Variants in KIF21A observed in about 807,000 individuals in gnomAD.
The protein encoded by KIF21A is kinesin family member 21A, also known as kinesin-like protein KIF21A.
In KIF21A, 114 loss-of-function variants were observed where a neutral mutation model predicts 202.9. The ratio of observed to expected loss-of-function variants is 0.56; its 90% CI spans 0.48 to 0.66. The LOEUF is 0.66. Ranked by LOEUF, KIF21A falls within the 30% of genes least tolerant of loss-of-function variation. The pLI is 0.00. For missense variants in KIF21A, 1,677 were observed against 1,994.9 expected (o/e 0.84, Z 3.04); for synonymous variants, 667 against 670.8 (o/e 0.99, Z 0.09).
In KIF21A at chr12:39,397,439, C is replaced by T. The variant is rs534288614; in HGVS notation, c.45-27178G>A. Among the ~76,000 whole-genome samples the T allele has an allele frequency of 1.8e-4, 28 of 151,932 alleles. No homozygotes were observed. The South Asian group carries it at 5.6e-3, about 31-fold the overall frequency. ...ATTCTTAGCCCCCATCCAAACCACCCCCCATAGAGCTGATTCACCTTAACC... is the reference window on the plus strand; with the variant it reads ...ATTCTTAGCCCCCATCCAAACCACCTCCCATAGAGCTGATTCACCTTAACC... On this transcript the variant is annotated intron_variant, in intron 1 of 37. Transcript: ENST00000361418.
At chr12:39,430,082 G>C (rs1463660415) in intron 1 of KIF21A, among the ~76,000 whole-genome samples, 2 of 151,776 alleles carry the variant, frequency 1.3e-5, no homozygotes, top group African/African-American at 4.8e-5. Flanking sequence ...GGGCACGGTG[G>C]CTCATGCTTA....
At chr12:39,381,555 C>T (rs1950617844) in intron 1 of KIF21A, among the ~76,000 whole-genome samples, 1 of 152,076 alleles carries the variant, frequency 6.6e-6, no homozygotes, top group Non-Finnish European at 1.5e-5. Flanking sequence ...CCAATTTTTA[C>T]CATCAAGGAA....
chr12:39,351,871 T>C lies in KIF21A; in HGVS notation c.1579A>G (p.Ile527Val), dbSNP rs1948411879. The change falls in exon 11 of 38, where the codon ATA (isoleucine) becomes GTA (valine). Residue 527 changes from isoleucine (I) to valine (V), a missense_variant. Ile to Val is a conservative substitution (Grantham distance 29). Around this residue, in one of 3 missense-constraint regions of KIF21A, gnomAD observed 966 missense variants for 1,180.9 expected, o/e 0.82. Transcript: ENST00000361418. ...FSGSSTFSPTILSSDKETIEI... is the reference protein window; with the variant it reads ...FSGSSTFSPTVLSSDKETIEI... ...ATGGTTTCTTTGTCTGAGGATAGTA[T>C]GGTAGGAGAAAAAGTTGATGATCCG... 1.2e-6 allele frequency: 2 copies of C among 1,611,834 alleles called. No individual in the cohort carries two copies. Among genetic ancestry groups the C allele is most frequent in the Non-Finnish European group, 8.5e-7 (1 of 1,178,078 alleles).
chr12:39,311,645 A>T (rs1473128773), intron 31 of KIF21A, 92 bp from the exon 32 acceptor site: 1 of 1,298,268 alleles, frequency 7.7e-7, no homozygotes, highest in Non-Finnish European at 1.1e-6. Flanking sequence ...CCCTAACTTT[A>T]AGAAGTCTTT....
intron 17 of KIF21A, among the ~76,000 whole-genome samples, chr12:39,335,018 A>G (rs1003431964): frequency 2.0e-5 from 3 of 152,234 alleles, no homozygotes; most frequent in African/African-American, 4.8e-5. Flanking sequence ...ACGTCTATCA[A>G]CTGATGAATG....
At chr12:39,320,469 C>T (rs1055036614) in intron 27 of KIF21A, among the ~76,000 whole-genome samples, 1 of 151,976 alleles carries the variant, frequency 6.6e-6, no homozygotes, top group Non-Finnish European at 1.5e-5. Context: ...TAATCACACA[C>T]ACAAAAATAC....
chr12:39,396,662 A>G (rs1405016181), intron 1 of KIF21A, among the ~76,000 whole-genome samples: 1 of 152,230 alleles, frequency 6.6e-6, no homozygotes, highest in Non-Finnish European at 1.5e-5. Context: ...CATTTTATAG[A>G]GAAGAAAAGT....
At chr12:39,435,556 ACCAC>A (rs2140417284) in intron 1 of KIF21A, among the ~76,000 whole-genome samples, 1 of 152,240 alleles carries the variant, frequency 6.6e-6, no homozygotes, top group Admixed American at 6.5e-5. Flanking sequence ...CTGGTTAAGA[ACCAC>A]CTAATTAGTG....
chr12:39,318,729 C>G (rs1944854542), intron 28 of KIF21A, among the ~76,000 whole-genome samples: 1 of 152,158 alleles, frequency 6.6e-6, no homozygotes, highest in African/African-American at 2.4e-5. Context: ...CGCCTGTAAT[C>G]CCAGCACTTT....
chr12:39,348,982 A>G (rs1948139157), intron 11 of KIF21A, among the ~76,000 whole-genome samples: 1 of 151,952 alleles, frequency 6.6e-6, no homozygotes. Context: ...TTTGTTCCTG[A>G]GTTTGAATTT....
chr12:39,436,643 A>G (rs1938828603), intron 1 of KIF21A, among the ~76,000 whole-genome samples: 1 of 149,944 alleles, frequency 6.7e-6, no homozygotes, highest in African/African-American at 2.4e-5. Context: ...TTGCAAAAAA[A>G]AAAAAAAAAG....
chr12:39,391,869 G>A (rs1487591590), intron 1 of KIF21A, among the ~76,000 whole-genome samples: 2 of 151,948 alleles, frequency 1.3e-5, no homozygotes, highest in Admixed American at 1.3e-4. Context: ...CTCCTGAGTA[G>A]CTGGGATTAC....
intron 24 of KIF21A, among the ~76,000 whole-genome samples, chr12:39,327,898 A>G (rs1946110992): frequency 6.6e-6 from 1 of 152,224 alleles, no homozygotes. Flanking sequence ...CAAATACCCT[A>G]AAGTTAATCT....
intron 28 of KIF21A, among the ~76,000 whole-genome samples, chr12:39,318,694 A>C (rs1433094831): frequency 6.6e-6 from 1 of 152,166 alleles, no homozygotes; most frequent in Non-Finnish European, 1.5e-5. Context: ...TAAGAAGGAT[A>C]ATTTCGGCCA....
chr12:39,339,258 CA>C (rs1305824350), intron 16 of KIF21A, among the ~76,000 whole-genome samples: 8 of 150,388 alleles, frequency 5.3e-5, no homozygotes, highest in East Asian at 2.0e-4. Context: ...AAAAGTGTAC[CA>C]TTTTTTTATC....
chr12:39,376,221 A>T (rs557711807), intron 1 of KIF21A, among the ~76,000 whole-genome samples: 1 of 152,240 alleles, frequency 6.6e-6, no homozygotes, highest in Admixed American at 6.5e-5. Context: ...AGATATACAC[A>T]CATACATTGT....
At chr12:39,436,656 C>G (rs1260243083) in intron 1 of KIF21A, among the ~76,000 whole-genome samples, 1 of 137,256 alleles carries the variant, frequency 7.3e-6, no homozygotes, top group East Asian at 2.1e-4. Context: ...AAAAAAAGAA[C>G]AAGGTAACCT....
At position 39,333,292 on chromosome 12, in the gene KIF21A, T is replaced by C. The variant is rs1483409496; in HGVS notation, c.2419-12A>G. 1.3e-6 allele frequency: 2 copies of C among 1,539,702 alleles called. No individual in the cohort carries two copies. Among genetic ancestry groups the C allele is most frequent in the Non-Finnish European group, 1.8e-6 (2 of 1,112,504 alleles). Reference sequence around the variant, plus strand: ...AGTCTAAGTTGATGCTATAAAATAATATTAAATAAGTGGAAATAGTAAAGT... The same window carrying C: ...AGTCTAAGTTGATGCTATAAAATAACATTAAATAAGTGGAAATAGTAAAGT... On this transcript the variant is annotated splice_polypyrimidine_tract_variant and intron_variant, in intron 17 of 37. Transcript: ENST00000361418.
At chr12:39,331,278 T>A (rs944885109) in intron 22 of KIF21A, among the ~76,000 whole-genome samples, 12 of 152,088 alleles carry the variant, frequency 7.9e-5, no homozygotes, top group African/African-American at 2.7e-4. Flanking sequence ...TTCTTACAGG[T>A]GACAAATTAG....
Sources: allele counts gnomAD v4.1 joint callset (sites outside exome capture counted in the v4.1 genomes callset), GRCh38; gene constraint gnomAD v4.1.1; regional missense constraint gnomAD v4.1.1; transcripts MANE v1.5; gene names NCBI Gene and HGNC (gene_info 2026-07-23, HGNC 2026-07-21).